Variants in CFAP57 observed in about 807,000 individuals in gnomAD.
CFAP57 encodes cilia- and flagella-associated protein 57.
Under a neutral mutation model 146.8 loss-of-function variants are expected in CFAP57, and 116 were observed. The observed-to-expected ratio is 0.79, with a 90% CI of 0.68 to 0.92. CFAP57 has a LOEUF of 0.92. Ranked by LOEUF, CFAP57 falls within the 40% of genes least tolerant of loss-of-function variation. CFAP57 has a pLI of 0.00. For missense variants in CFAP57, 1,377 were observed against 1,527.2 expected (o/e 0.90, Z 1.64); for synonymous variants, 518 against 552.8 (o/e 0.94, Z 0.88).
At chr1:43,227,202 GGAC>G in intron 18 of CFAP57, 76 bp downstream of exon 18, 1 of 1,401,366 alleles carries the variant, frequency 7.1e-7, no homozygotes, top group Non-Finnish European at 9.3e-7. Context: ...CTGGCCTCAG[GGAC>G]TGAGGAGAAG....
At chr1:43,246,453 T>C (rs1207184044) in intron 22 of CFAP57, among the ~76,000 whole-genome samples, 4 of 152,124 alleles carry the variant, frequency 2.6e-5, no homozygotes, top group Admixed American at 2.6e-4. Context: ...CAAGTAGTGT[T>C]GGGAAAACTG....
chr1:43,190,461 G>A lies in CFAP57; in HGVS notation c.1122+3602G>A, dbSNP rs542326744. Among the ~76,000 whole-genome samples the A allele has an allele frequency of 5.3e-5, 8 of 151,972 alleles. No individual in the cohort carries two copies. In the South Asian group the frequency reaches 1.7e-3, roughly 32 times the overall value. The stretch of plus-strand genomic sequence containing the variant: ...AATTTTTTGTATTTTTAGTAGAGAC[G>A]GGGTTTCACCATGTTAGCCAGGATG... On this transcript the variant is annotated intron_variant, in intron 6 of 22. Coordinates refer to ENST00000372492, the MANE Select transcript of CFAP57 (RefSeq NM_001378189.1).
chr1:43,178,835 C>T (rs1414156370), intron 2 of CFAP57, among the ~76,000 whole-genome samples: 8 of 152,230 alleles, frequency 5.3e-5, no homozygotes, highest in Admixed American at 2.0e-4. Context: ...CACATGCACA[C>T]GTATGTTTAT....
intron 22 of CFAP57, among the ~76,000 whole-genome samples, chr1:43,246,099 A>G (rs1646104788): frequency 6.6e-6 from 1 of 152,238 alleles, no homozygotes; most frequent in South Asian, 2.1e-4. Context: ...TGTCAGTACT[A>G]CCCAAAGTGA....
chr1:43,238,395 C>T lies in CFAP57; in HGVS notation c.3405+3757C>T, dbSNP rs1265054557. ...CAGTCCTGGACAGCTTGGCAGAGCC[C>T]CTTTGCTTAGAAAGCTTTTTACATA... On this transcript the variant is annotated intron_variant, in intron 21 of 22. Coordinates refer to ENST00000372492, the MANE Select transcript of CFAP57 (RefSeq NM_001378189.1). This position sits in a 1 kb window ranked among gnomAD's most constrained non-coding sequence, Gnocchi z 4.3. Among the ~76,000 whole-genome samples the T allele has an allele frequency of 6.6e-6, 1 of 152,154 alleles. No individual in the cohort carries two copies. Among genetic ancestry groups the T allele is most frequent in the Non-Finnish European group, 1.5e-5 (1 of 68,020 alleles).
chr1:43,190,727 A>G (rs552319444), intron 6 of CFAP57, among the ~76,000 whole-genome samples: 14 of 149,908 alleles, frequency 9.3e-5, no homozygotes, highest in Admixed American at 2.0e-4. Context: ...TCCTGTGTCT[A>G]TTGAAATTAT....
At chr1:43,181,964 C>T in intron 3 of CFAP57, 114 bp downstream of exon 3, 1 of 1,209,422 alleles carries the variant, frequency 8.3e-7, no homozygotes, top group South Asian at 1.3e-5. Context: ...AAAATTTATT[C>T]TTACAACAAC....
intron 21 of CFAP57, among the ~76,000 whole-genome samples, chr1:43,235,727 T>G (rs3862223): frequency 0.35 from 52,967 of 152,054 alleles, 10,718 homozygotes; most frequent in East Asian, 0.62. Context: ...AGCCGCACAC[T>G]GAGCCACTGC....
At chr1:43,228,542 C>A (rs987186321) in intron 18 of CFAP57, among the ~76,000 whole-genome samples, 1 of 148,538 alleles carries the variant, frequency 6.7e-6, no homozygotes, top group Non-Finnish European at 1.5e-5. Flanking sequence ...TCTGGTAAGC[C>A]CAGTAAAGAG....
In CFAP57 at chr1:43,185,126, G is replaced by A. The variant is rs374370152; in HGVS notation, c.762-23G>A. 102 of 1,611,392 alleles carry A rather than the reference G, an allele frequency of 6.3e-5. No homozygotes were observed. In the African/African-American group the frequency reaches 1.3e-3, roughly 20 times the overall value. ...CCTCAAGATTGTCTCTATAAATTAT[G>A]TATGCTGTTTTTTTGTTTCCAGCCT... On this transcript the variant is annotated intron_variant, in intron 4 of 22. Coordinates refer to ENST00000372492, the MANE Select transcript of CFAP57 (RefSeq NM_001378189.1).
intron 18 of CFAP57, chr1:43,232,007 GTT>G: frequency 1.5e-6 from 1 of 673,102 alleles, no homozygotes; most frequent in Non-Finnish European, 2.7e-6. Context: ...CCCCTTTCCT[GTT>G]TTATGCCTTA....
chr1:43,197,780 T>G, intron 7 of CFAP57, 88 bp downstream of exon 7: 1 of 1,547,758 alleles, frequency 6.5e-7, no homozygotes, highest in South Asian at 1.1e-5. Context: ...GTTCCAAACT[T>G]TAATTATTTA....
In CFAP57 at chr1:43,172,749, A is replaced by AC; in HGVS notation, c.-5_-4insC. 6.2e-7 allele frequency: 1 copy of AC among 1,614,010 alleles called. No homozygotes were observed. The highest frequency in any genetic ancestry group is 8.5e-7 in the Non-Finnish European group (1 of 1,179,998). ...GTCTTCAGCAGAACTGTTTGGCGGG[A>AC]GATCATGTCAGCCGTGGTAGCTCAG... On this transcript the variant is annotated 5_prime_UTR_variant, in exon 2 of 23. Transcript: ENST00000372492.
At position 43,234,655 on chromosome 1, in the gene CFAP57, C is replaced by T; in HGVS notation, c.3405+17C>T. On this transcript the variant is annotated intron_variant, in intron 21 of 22. Transcript: ENST00000372492. ...ATCATGCAGGTACCTGCATGCTCCC[C>T]TCAGCCCCTGTGGAGGCCAAGCCAT... The T allele has an allele frequency of 6.5e-7, 1 of 1,536,920 alleles. No homozygotes were observed. The highest frequency in any genetic ancestry group is 1.4e-5 in the African/African-American group (1 of 72,932).
At chr1:43,206,282 AT>A (rs34901730) in intron 9 of CFAP57, 42,530 of 178,780 alleles carry the variant, frequency 0.24, 7,195 homozygotes, top group African/African-American at 0.48. Flanking sequence ...TTAAATGATT[AT>A]TTTTTATCAT....
intron 1 of CFAP57, 71 bp downstream of exon 1, chr1:43,172,524 A>G: frequency 1.5e-6 from 2 of 1,340,232 alleles, no homozygotes; most frequent in South Asian, 1.3e-5. Flanking sequence ...AAGGCAGAAA[A>G]AGGAGCCGCG....
chr1:43,182,221 G>A (rs1025378944), intron 3 of CFAP57, among the ~76,000 whole-genome samples: 4 of 152,180 alleles, frequency 2.6e-5, no homozygotes, highest in African/African-American at 9.7e-5. Context: ...CAGCATTGCC[G>A]GGCAGTAGGA....
At chr1:43,225,821 A>T (rs953442008) in intron 17 of CFAP57, among the ~76,000 whole-genome samples, 2 of 152,240 alleles carry the variant, frequency 1.3e-5, no homozygotes, top group African/African-American at 4.8e-5. Context: ...TAAATGTTTG[A>T]TGGATGGATA....
intron 17 of CFAP57, among the ~76,000 whole-genome samples, chr1:43,225,935 G>C (rs1022348533): frequency 2.6e-5 from 4 of 152,214 alleles, no homozygotes; most frequent in Non-Finnish European, 5.9e-5. Context: ...CACTTTGGGA[G>C]GCAGAGGCAG....
Sources: allele counts gnomAD v4.1 joint callset (sites outside exome capture counted in the v4.1 genomes callset), GRCh38; gene constraint gnomAD v4.1.1; non-coding constraint Gnocchi (gnomAD v3.1); transcripts MANE v1.5; gene names NCBI Gene and HGNC (gene_info 2026-07-23, HGNC 2026-07-21).